Variants in TTC27 observed in about 807,000 individuals in gnomAD.
The protein encoded by TTC27 is tetratricopeptide repeat protein 27.
In TTC27, 79 loss-of-function variants were observed where a neutral mutation model predicts 115.9. The ratio of observed to expected loss-of-function variants is 0.68; its 90% confidence interval spans 0.57 to 0.82. The LOEUF is 0.82. Ranked by LOEUF, TTC27 falls within the 40% of genes least tolerant of loss-of-function variation. The pLI is 0.00. For synonymous variants in TTC27, 401 were observed against 356.0 expected, an observed-to-expected ratio of 1.13 and a Z score of -1.42; for missense variants, 1,054 against 993.1, an observed-to-expected ratio of 1.06 and a Z score of -0.82.
At chr2:32,748,898 G>C (rs929511396) in intron 12 of TTC27, among the ~76,000 whole-genome samples, 6 of 151,914 alleles carry the variant, frequency 3.9e-5, no homozygotes, top group Non-Finnish European at 8.8e-5. Context: ...ATGTTGGCCA[G>C]ACTGGTCTCG....
At chr2:32,723,776 T>TTCCTTCCTTCCC in intron 10 of TTC27, among the ~76,000 whole-genome samples, 1 of 124,736 alleles carries the variant, frequency 8.0e-6, no homozygotes, top group Non-Finnish European at 1.6e-5. Context: ...CCTTCCTTCC[T>TTCCTTCCTTCCC]TCTCTCCCTC....
chr2:32,635,497 C>A (rs1664383743), intron 3 of TTC27, among the ~76,000 whole-genome samples: 1 of 151,994 alleles, frequency 6.6e-6, no homozygotes, highest in Non-Finnish European at 1.5e-5. Context: ...CCAGCCTGAT[C>A]AACATGGTGA....
At chr2:32,633,751 C>G in intron 2 of TTC27, 125 bp from the exon 3 acceptor site, 4 of 1,158,208 alleles carry the variant, frequency 3.5e-6, no homozygotes, top group Middle Eastern at 4.6e-4. Context: ...TGGTAATACT[C>G]TAGGATAGTC....
chr2:32,682,844 G>GGTTTTTTTTTT, intron 9 of TTC27, among the ~76,000 whole-genome samples: 1 of 56,988 alleles, frequency 1.8e-5, no homozygotes, highest in Non-Finnish European at 3.0e-5. Context: ...AATTTTTATT[G>GGTTTTTTTTTT]TTGTTTTTTT....
intron 4 of TTC27, 127 bp downstream of exon 4, chr2:32,640,537 T>A (rs1413947734): frequency 3.0e-6 from 3 of 995,340 alleles, no homozygotes; most frequent in Non-Finnish European, 4.4e-6. Flanking sequence ...GTATGTAATT[T>A]AAAAATCTGA....
intron 18 of TTC27, among the ~76,000 whole-genome samples, chr2:32,816,016 G>A (rs969410745): frequency 8.5e-5 from 13 of 152,200 alleles, no homozygotes; most frequent in African/African-American, 2.4e-4. Context: ...TAGTCTTTGC[G>A]TGCAAAAAGA....
At chr2:32,689,899 G>A (rs1206476343) in intron 9 of TTC27, among the ~76,000 whole-genome samples, 1 of 152,116 alleles carries the variant, frequency 6.6e-6, no homozygotes, top group African/African-American at 2.4e-5. Flanking sequence ...TATAAAAATA[G>A]GTAATTAGTA....
chr2:32,635,555 A>G (rs1469538382), intron 3 of TTC27, among the ~76,000 whole-genome samples: 1 of 152,102 alleles, frequency 6.6e-6, no homozygotes, highest in Non-Finnish European at 1.5e-5. Flanking sequence ...GTGGTGGTGC[A>G]CGCTTGTAAT....
At chr2:32,775,009 G>A (rs1263171218) in intron 13 of TTC27, among the ~76,000 whole-genome samples, 1 of 152,034 alleles carries the variant, frequency 6.6e-6, no homozygotes, top group Non-Finnish European at 1.5e-5. Flanking sequence ...ATTTGTTTTG[G>A]TTTTAAAGAC....
At chr2:32,758,245 A>T in intron 12 of TTC27, 47 bp from the exon 13 acceptor site, 1 of 1,523,884 alleles carries the variant, frequency 6.6e-7, no homozygotes, top group African/African-American at 1.4e-5. Flanking sequence ...AAAAAAAAAT[A>T]GCAGTTAATC....
chr2:32,654,658 A>G (rs981146698), intron 5 of TTC27, among the ~76,000 whole-genome samples: 2 of 150,898 alleles, frequency 1.3e-5, no homozygotes, highest in East Asian at 1.9e-4. Context: ...AGCCTTCTGA[A>G]TGGGTGGGAG....
chr2:32,628,122 C>G lies in TTC27; in HGVS notation c.-171C>G, dbSNP rs1448429564. 4.9e-6 allele frequency: 3 copies of G among 615,000 alleles called. No individual in the cohort carries two copies. Among genetic ancestry groups the G allele is most frequent in the Non-Finnish European group, 8.5e-6 (3 of 354,084 alleles). The allele number at this position is 615,000 out of a possible 1,614,324, so 38.1% of individuals were successfully genotyped here. A position where few individuals can be genotyped will look rare whatever the true frequency, so the allele number is the denominator to read the frequency against. Reference sequence around the variant, plus strand: ...GGGTGCCCCGCGCTGCTGTTATGGCCGCCTCCTTGAGGTAGTATCCGCACA... The same window carrying G: ...GGGTGCCCCGCGCTGCTGTTATGGCGGCCTCCTTGAGGTAGTATCCGCACA... On this transcript the variant is annotated 5_prime_UTR_variant, in exon 1 of 20. Coordinates refer to ENST00000317907, the MANE Select transcript of TTC27 (RefSeq NM_017735.5).
intron 10 of TTC27, among the ~76,000 whole-genome samples, chr2:32,722,954 T>C (rs1667975116): frequency 1.3e-5 from 2 of 152,106 alleles, no homozygotes; most frequent in Non-Finnish European, 2.9e-5. Context: ...GATATGAGCT[T>C]CCTGAGAATA....
chr2:32,727,490 C>G (rs10175362), intron 10 of TTC27, among the ~76,000 whole-genome samples: 1 of 151,986 alleles, frequency 6.6e-6, no homozygotes. Context: ...AAACCAGCAT[C>G]TGTTGAATTT....
At chr2:32,795,531 CTTATTTATTTATTTATTTATTTAT>C (rs70938366) in intron 16 of TTC27, among the ~76,000 whole-genome samples, 5 of 142,808 alleles carry the variant, frequency 3.5e-5, no homozygotes, top group African/African-American at 1.3e-4. Flanking sequence ...AGCTTCTTTT[CTTATTTATTTATTTATTTATTTAT>C]TTATTTATTT....
chr2:32,634,416 C>G (rs1200806144), intron 3 of TTC27, among the ~76,000 whole-genome samples: 1 of 151,702 alleles, frequency 6.6e-6, no homozygotes, highest in East Asian at 1.9e-4. Flanking sequence ...CCACCTCAGC[C>G]TCCCAAGTAG....
chr2:32,678,546 G>C (rs1572507298), intron 8 of TTC27, among the ~76,000 whole-genome samples: 1 of 152,008 alleles, frequency 6.6e-6, no homozygotes, highest in African/African-American at 2.4e-5. Flanking sequence ...TCCTGCCTCA[G>C]CCTCCCGAGT....
intron 5 of TTC27, among the ~76,000 whole-genome samples, chr2:32,654,935 A>T (rs1460709057): frequency 1.3e-5 from 2 of 149,018 alleles, no homozygotes; most frequent in African/African-American, 5.0e-5. Flanking sequence ...ACCTCAAATG[A>T]TCCATCCTCC....
chr2:32,811,282 C>G (rs925787897), intron 17 of TTC27, 61 bp downstream of exon 17: 1 of 1,465,986 alleles, frequency 6.8e-7, no homozygotes, highest in Non-Finnish European at 9.4e-7. Context: ...AGTAGATCTA[C>G]TTTTTTGATG....
Sources: gnomAD v4.1 joint callset for allele counts (sites outside exome capture counted in the v4.1 genomes callset) on GRCh38, gnomAD v4.1.1 for gene constraint, MANE v1.5 for transcripts, NCBI Gene and HGNC (gene_info 2026-07-23, HGNC 2026-07-21) for gene names.